C12orf75: variants seen among roughly 807,000 people sequenced by gnomAD.
C12orf75 encodes the protein chromosome 12 open reading frame 75, also known as overexpressed in colon carcinoma 1 protein.
In C12orf75, 4 loss-of-function variants were observed where a neutral mutation model predicts 11.4. That is an observed-to-expected ratio of 0.35 (90% confidence interval 0.17 to 0.80). The LOEUF (loss-of-function observed/expected upper bound fraction) is 0.80. C12orf75 is among the 30% of genes least tolerant of loss of function. The pLI is 0.52. For synonymous variants in C12orf75, 30 were observed against 30.0 expected (o/e 1.00, Z 0.00); for missense variants, 89 against 80.4 (o/e 1.11, Z -0.41).
intron 2 of C12orf75, among the ~76,000 whole-genome samples, chr12:105,360,204 G>C (rs186699429): frequency 6.6e-5 from 10 of 152,324 alleles, no homozygotes; most frequent in Admixed American, 3.9e-4. Flanking sequence ...GTGGCTCTGT[G>C]TTCTGCTCTC....
chr12:105,348,664 T>A, intron 2 of C12orf75, 38 bp downstream of exon 2: 1 of 1,446,094 alleles, frequency 6.9e-7, no homozygotes, highest in African/African-American at 1.4e-5. Context: ...AAGCTGTCTT[T>A]CTGAGGAAGT....
chr12:105,370,757 T>C lies in C12orf75; in HGVS notation c.*157T>C, dbSNP rs897201682. The C allele has an allele frequency of 3.9e-5, 18 of 457,346 alleles. No individual in the cohort carries two copies. Among genetic ancestry groups the C allele is most frequent in the African/African-American group, 3.0e-4 (15 of 50,070 alleles). 28.3% of individuals were successfully genotyped at this position (457,346 alleles called of 1,614,324 possible). On this transcript the variant is annotated 3_prime_UTR_variant, in exon 6 of 6. Coordinates refer to ENST00000443585, the MANE Select transcript of C12orf75 (RefSeq NM_001145199.2). ...TTCCCCCAAATCTTAAGTGTATACA[T>C]AAAACCCTGGGTACATATTGTTGTG...
chr12:105,367,244 T>C (rs893591692), intron 4 of C12orf75, among the ~76,000 whole-genome samples: 3 of 152,200 alleles, frequency 2.0e-5, no homozygotes, highest in Non-Finnish European at 4.4e-5. Context: ...CACTGTACAA[T>C]GTATTGTCTG....
intron 1 of C12orf75, among the ~76,000 whole-genome samples, chr12:105,339,879 C>G (rs1322515728): frequency 6.6e-6 from 1 of 152,016 alleles, no homozygotes; most frequent in African/African-American, 2.4e-5. Flanking sequence ...CTCAGCCTCC[C>G]AAAATGCTGG....
intron 2 of C12orf75, among the ~76,000 whole-genome samples, chr12:105,365,071 A>G (rs1357260886): frequency 6.6e-6 from 1 of 151,902 alleles, no homozygotes; most frequent in African/African-American, 2.4e-5. Context: ...TCCTGACCTC[A>G]GGTGATCCGC....
At position 105,366,660 on chromosome 12, in the gene C12orf75, A is replaced by AAT. The variant is rs1488388278; in HGVS notation, c.154_155dup (p.Met52IlefsTer17). 6.5e-7 allele frequency: 1 copy of AAT among 1,544,538 alleles called. No homozygotes were observed. Reference sequence around the variant, plus strand: ...TGTTGGCCTACCATCTGAAGCTGTCAATATGGTGTCCAGTCAAACAAAGAC... The same window carrying AAT: ...TGTTGGCCTACCATCTGAAGCTGTCAATATATGGTGTCCAGTCAAACAAAGAC... On this transcript the variant is annotated frameshift_variant, in exon 4 of 6. Transcript: ENST00000443585. LOFTEE classifies it high-confidence loss of function.
intron 4 of C12orf75, 102 bp downstream of exon 4, chr12:105,366,798 T>C: frequency 9.7e-6 from 7 of 724,486 alleles, no homozygotes; most frequent in Middle Eastern, 2.4e-4. Context: ...TCAACCTATG[T>C]ATTGGTTGCA....
intron 2 of C12orf75, among the ~76,000 whole-genome samples, chr12:105,359,434 T>G (rs1299114588): frequency 6.6e-6 from 1 of 152,074 alleles, no homozygotes; most frequent in Non-Finnish European, 1.5e-5. Context: ...GGGCATTGCT[T>G]CCTGAATTGT....
At chr12:105,364,777 A>G (rs1231596232) in intron 2 of C12orf75, among the ~76,000 whole-genome samples, 1 of 151,856 alleles carries the variant, frequency 6.6e-6, no homozygotes, top group African/African-American at 2.4e-5. Flanking sequence ...CTAGTGCTTC[A>G]AGGAAAGTGT....
At chr12:105,345,445 G>T (rs974915649) in intron 1 of C12orf75, among the ~76,000 whole-genome samples, 1 of 151,658 alleles carries the variant, frequency 6.6e-6, no homozygotes, top group African/African-American at 2.4e-5. Flanking sequence ...AGCCAAGATG[G>T]CACCACTACA....
intron 2 of C12orf75, among the ~76,000 whole-genome samples, chr12:105,349,296 C>T (rs942669391): frequency 2.0e-5 from 3 of 152,188 alleles, no homozygotes; most frequent in Non-Finnish European, 4.4e-5. Context: ...GATCAACTCT[C>T]CCACCCAAAA....
At chr12:105,343,661 C>T (rs533020856) in intron 1 of C12orf75, among the ~76,000 whole-genome samples, 4 of 151,808 alleles carry the variant, frequency 2.6e-5, no homozygotes, top group African/African-American at 9.6e-5. Flanking sequence ...TTATGCTTTG[C>T]ATTTTATGTA....
intron 1 of C12orf75, among the ~76,000 whole-genome samples, chr12:105,346,957 TTTGTG>T (rs1892649191): frequency 6.6e-6 from 1 of 152,260 alleles, no homozygotes; most frequent in Non-Finnish European, 1.5e-5. Context: ...ATGTGCCAGC[TTTGTG>T]TTAAGTGTTT....
rs1892642775 is a variant in C12orf75, at chr12:105,346,491, C to T, written c.47-2111C>T. 2.0e-5 allele frequency among the ~76,000 whole-genome samples: 3 copies of T among 152,128 alleles called. No homozygotes were observed. In the South Asian group the frequency reaches 6.2e-4, roughly 32 times the overall value. The stretch of plus-strand genomic sequence containing the variant: ...TTAATTTTTTTCTATCAAAAACACT[C>T]TACTGTTGGCAGTTTTTCCTGTGTT... On this transcript the variant is annotated intron_variant, in intron 1 of 5. Coordinates refer to ENST00000443585, the MANE Select transcript of C12orf75 (RefSeq NM_001145199.2).
chr12:105,353,659 TAAAG>T (rs1431801908), intron 2 of C12orf75: 5 of 152,234 alleles, frequency 3.3e-5, no homozygotes, highest in African/African-American at 7.2e-5. Flanking sequence ...TTCGTGTTCT[TAAAG>T]AAGTCTTGAT....
chr12:105,370,102 ATGCAGATGTGTAGTTTCTTC>A (rs1193760471), intron 5 of C12orf75, among the ~76,000 whole-genome samples: 1 of 152,202 alleles, frequency 6.6e-6, no homozygotes, highest in Non-Finnish European at 1.5e-5. Context: ...TTATGTCAGG[ATGCAGATGTGTAGTTTCTTC>A]TGCAGATGAC....
chr12:105,331,981 C>A (rs893539953), intron 1 of C12orf75, among the ~76,000 whole-genome samples: 1 of 152,168 alleles, frequency 6.6e-6, no homozygotes, highest in Non-Finnish European at 1.5e-5. Context: ...ATCCCTTAAC[C>A]CAGACGCCGG....
chr12:105,363,213 G>A (rs933056647), intron 2 of C12orf75, among the ~76,000 whole-genome samples: 2 of 152,240 alleles, frequency 1.3e-5, no homozygotes, highest in African/African-American at 4.8e-5. Flanking sequence ...TAGGCCCTCA[G>A]AGCTGTTGTG....
chr12:105,356,158 GAAT>G, intron 2 of C12orf75, among the ~76,000 whole-genome samples: 1 of 152,324 alleles, frequency 6.6e-6, no homozygotes, highest in East Asian at 1.9e-4. Flanking sequence ...GGGTTTGCTA[GAAT>G]GGATTGAAAC....
Sources: allele counts gnomAD v4.1 joint callset (sites outside exome capture counted in the v4.1 genomes callset), GRCh38; gene constraint gnomAD v4.1.1; transcripts MANE v1.5; gene names NCBI Gene and HGNC (gene_info 2026-07-23, HGNC 2026-07-21).